TENM2: variants seen among roughly 807,000 people sequenced by gnomAD.
TENM2 encodes teneurin transmembrane protein 2.
In TENM2, 52 loss-of-function variants were observed where a neutral mutation model predicts 245.2. The ratio of observed to expected loss-of-function variants is 0.21; its 90% CI spans 0.17 to 0.27. The LOEUF is 0.27. Among genes scored for constraint, TENM2 ranks in the 10% least tolerant of loss-of-function variants. The pLI is 1.00. For missense variants in TENM2, 3,046 were observed against 3,666.8 expected (o/e 0.83, Z 4.37); for synonymous variants, 1,363 against 1,438.9 (o/e 0.95, Z 1.19).
intron 2 of TENM2, among the ~76,000 whole-genome samples, chr5:167,566,744 G>A (rs1263933030): frequency 6.6e-6 from 1 of 152,158 alleles, no homozygotes; most frequent in Non-Finnish European, 1.5e-5. Context: ...CAATGGAGAG[G>A]AACGTAAATT....
chr5:167,188,307 C>T, the TENM2 span, among the ~76,000 whole-genome samples: 257 of 152,288 alleles, frequency 1.7e-3, 1 homozygote, highest in Non-Finnish European at 2.0e-3. Flanking sequence ...CGTTCTTCAG[C>T]GCGGGCTGCT....
intron 4 of TENM2, among the ~76,000 whole-genome samples, chr5:167,971,780 G>T (rs1306693417): frequency 1.3e-5 from 2 of 152,170 alleles, no homozygotes; most frequent in East Asian, 1.9e-4. Flanking sequence ...AAGTGAAGGG[G>T]TCATCATTTG....
intron 2 of TENM2, among the ~76,000 whole-genome samples, chr5:167,813,162 G>A (rs917816372): frequency 3.3e-5 from 5 of 152,134 alleles, no homozygotes; most frequent in Non-Finnish European, 1.5e-5. Flanking sequence ...TTCATGAGCA[G>A]TGGCTGGGCC....
the TENM2 span, among the ~76,000 whole-genome samples, chr5:167,079,592 C>T: frequency 1.4e-4 from 21 of 151,246 alleles, no homozygotes; most frequent in Admixed American, 5.9e-4. Context: ...GGATTACAGG[C>T]ATGAGCCACC....
At chr5:167,034,049 T>A in the TENM2 span, among the ~76,000 whole-genome samples, 2 of 152,220 alleles carry the variant, frequency 1.3e-5, 1 homozygote, top group East Asian at 3.9e-4. Context: ...ATTTTTCTTG[T>A]GTATTCTGAA....
chr5:167,920,218 G>C, intron 3 of TENM2, among the ~76,000 whole-genome samples: 1 of 151,792 alleles, frequency 6.6e-6, no homozygotes, highest in East Asian at 1.9e-4. Flanking sequence ...TGGGCCAGGC[G>C]CGGTGGCTCA....
chr5:167,489,076 CT>C (rs1768269078), intron 2 of TENM2, among the ~76,000 whole-genome samples: 1 of 152,338 alleles, frequency 6.6e-6, no homozygotes, highest in African/African-American at 2.4e-5. Flanking sequence ...ATCACTCCCC[CT>C]GGGTCATCGC....
rs138783593 is a variant in TENM2, at chr5:167,969,479, C to T, written c.947+16657C>T. Reference sequence around the variant, plus strand: ...TTTCTCTTTATAAATTACCCAGTCTCGGGTATGTCTTTATTAGCAGCGTAA... The same window carrying T: ...TTTCTCTTTATAAATTACCCAGTCTTGGGTATGTCTTTATTAGCAGCGTAA... On this transcript the variant is annotated intron_variant, in intron 4 of 28. Coordinates refer to ENST00000518659, the Ensembl canonical transcript of TENM2. Among the ~76,000 whole-genome samples, 1,137 of 152,172 alleles carry T rather than the reference C, an allele frequency of 7.5e-3. 14 individuals are homozygous for T. Among genetic ancestry groups the T allele is most frequent in the African/African-American group, 0.025 (1,027 of 41,520 alleles).
intron 2 of TENM2, among the ~76,000 whole-genome samples, chr5:167,834,252 T>G (rs1187012027): frequency 6.6e-6 from 1 of 152,194 alleles, no homozygotes; most frequent in East Asian, 1.9e-4. Flanking sequence ...TGAACTGAGA[T>G]GTCAGTGGCA....
chr5:167,268,893 G>GATAGATAGATAGATAGATAC, the TENM2 span, among the ~76,000 whole-genome samples: 9 of 149,872 alleles, frequency 6.0e-5, no homozygotes, highest in African/African-American at 2.2e-4. Flanking sequence ...TAGATAGATA[G>GATAGATAGATAGATAGATAC]ATAGATAGAT....
chr5:167,736,770 G>T (rs1206209600), intron 2 of TENM2, among the ~76,000 whole-genome samples: 1 of 152,026 alleles, frequency 6.6e-6, no homozygotes, highest in Non-Finnish European at 1.5e-5. Flanking sequence ...ACTTCCAGGT[G>T]AGGGAGCCCC....
chr5:167,035,613 G>C, the TENM2 span, among the ~76,000 whole-genome samples: 6 of 152,234 alleles, frequency 3.9e-5, no homozygotes, highest in South Asian at 8.3e-4. Flanking sequence ...GATGACAAAT[G>C]CTGTTATTGA....
chr5:168,244,926 C>A lies in TENM2; in HGVS notation c.5817+210C>A, dbSNP rs1213901804. Among the ~76,000 whole-genome samples, 1 of 152,004 alleles carries A rather than the reference C, an allele frequency of 6.6e-6. No individual in the cohort carries two copies. ...CTGTGACTACAGGCACATGTCACCA[C>A]GCCCGGCTAATTTTGTATTTTTAGT... is the stretch of plus-strand genomic sequence containing the variant. On this transcript the variant is annotated intron_variant, in intron 26 of 28. Coordinates refer to ENST00000518659, the Ensembl canonical transcript of TENM2. The surrounding 1 kb of genome is among the most constrained non-coding windows in gnomAD (Gnocchi z 4.9).
At chr5:167,092,852 A>G in the TENM2 span, among the ~76,000 whole-genome samples, 3 of 152,314 alleles carry the variant, frequency 2.0e-5, no homozygotes, top group Middle Eastern at 3.4e-3. Context: ...TTTCCCCAGT[A>G]AGAGATACAA....
chr5:167,524,996 T>C (rs1320332409), intron 2 of TENM2, among the ~76,000 whole-genome samples: 2 of 152,034 alleles, frequency 1.3e-5, no homozygotes, highest in Non-Finnish European at 2.9e-5. Context: ...CACAATATTT[T>C]GGTATTTCCC....
At chr5:168,023,219 C>T (rs1260123001) in intron 5 of TENM2, among the ~76,000 whole-genome samples, 2 of 152,198 alleles carry the variant, frequency 1.3e-5, no homozygotes, top group South Asian at 2.1e-4. Context: ...CACGCTGATG[C>T]GAGGCCTTGG....
chr5:167,875,076 G>A (rs1304280015), intron 2 of TENM2, among the ~76,000 whole-genome samples: 1 of 152,198 alleles, frequency 6.6e-6, no homozygotes, highest in Non-Finnish European at 1.5e-5. Context: ...CTTTAGGAAG[G>A]CATTGGTGAT....
rs1269305001 is a variant in TENM2, at chr5:168,035,765, C to A, written c.1187-11662C>A. On this transcript the variant is annotated intron_variant, in intron 5 of 28. Coordinates refer to ENST00000518659, the Ensembl canonical transcript of TENM2. ...CTGAGGTTTCGTCCTAACTACAGGACCTTGCTAGAGTTGCCAGATTTAGCA... is the reference window on the plus strand; with the variant it reads ...CTGAGGTTTCGTCCTAACTACAGGAACTTGCTAGAGTTGCCAGATTTAGCA... Among the ~76,000 whole-genome samples, 5 of 152,218 alleles carry A rather than the reference C, an allele frequency of 3.3e-5. No individual in the cohort carries two copies. The East Asian group carries it at 9.7e-4, about 30-fold the overall frequency.
chr5:168,104,433 G>T (rs1242086563), intron 9 of TENM2, among the ~76,000 whole-genome samples: 1 of 152,182 alleles, frequency 6.6e-6, no homozygotes, highest in Non-Finnish European at 1.5e-5. Flanking sequence ...GCTGTGCCCG[G>T]AATTCCCTGG....
Sources: allele counts gnomAD v4.1 joint callset (sites outside exome capture counted in the v4.1 genomes callset), GRCh38; gene constraint gnomAD v4.1.1; non-coding constraint Gnocchi (gnomAD v3.1); transcripts MANE v1.5; gene names NCBI Gene and HGNC (gene_info 2026-07-23, HGNC 2026-07-21).